Variants in TIMM44 observed in about 807,000 individuals in gnomAD.
TIMM44 encodes mitochondrial import inner membrane translocase subunit TIM44.
In TIMM44, 37 loss-of-function variants were observed where a neutral mutation model predicts 63.8. The ratio of observed to expected loss-of-function variants is 0.58; its 90% CI spans 0.45 to 0.76. TIMM44 has a LOEUF of 0.76. Ranked by LOEUF, TIMM44 falls within the 30% of genes least tolerant of loss-of-function variation. TIMM44 has a pLI of 0.00. For synonymous variants in TIMM44, 239 were observed against 245.1 expected, an observed-to-expected ratio of 0.98 and a Z score of 0.23; for missense variants, 573 against 603.8, an observed-to-expected ratio of 0.95 and a Z score of 0.54.
At chr19:7,932,039 GA>G (rs1415182317) in intron 9 of TIMM44, among the ~76,000 whole-genome samples, 1 of 152,238 alleles carries the variant, frequency 6.6e-6, no homozygotes, top group Non-Finnish European at 1.5e-5. Flanking sequence ...CGACTGGGCC[GA>G]AGGTGTCCAG....
chr19:7,931,190 T>TA lies in TIMM44; in HGVS notation c.988-3dup, dbSNP rs756857350. The TA allele has an allele frequency of 1.1e-5, 18 of 1,613,280 alleles. No homozygotes were observed. On this transcript the variant is annotated splice_polypyrimidine_tract_variant and splice_region_variant and intron_variant, in intron 9 of 12. Coordinates refer to ENST00000270538, the MANE Select transcript of TIMM44 (RefSeq NM_006351.4). ...GTCAAGCTCTCCAGAAATCATGGCC[T>TA]AAAAAGGAAGGGAAAATAAGCACCA...
intron 3 of TIMM44, among the ~76,000 whole-genome samples, chr19:7,935,918 C>T (rs1984141499): frequency 6.6e-6 from 1 of 152,206 alleles, no homozygotes; most frequent in South Asian, 2.1e-4. Context: ...CTTTGGGAAG[C>T]TGAGATGGGA....
At chr19:7,937,759 T>G in intron 3 of TIMM44, 1 of 428,792 alleles carries the variant, frequency 2.3e-6, no homozygotes, top group East Asian at 5.2e-5. Flanking sequence ...GGCTCACGCC[T>G]GTAATCCCAG....
In TIMM44 at chr19:7,934,410, GCACCCCCAGAGCCACGAGCACACCGC is replaced by G. The variant is rs1437287509; in HGVS notation, c.394-198_394-173del. Among the ~76,000 whole-genome samples, 64 of 150,586 alleles carry G rather than the reference GCACCCCCAGAGCCACGAGCACACCGC, an allele frequency of 4.3e-4. No homozygotes were observed. The highest frequency in any genetic ancestry group is 1.3e-3 in the African/African-American group (52 of 40,758). On this transcript the variant is annotated intron_variant, in intron 4 of 12. Transcript: ENST00000270538. The surrounding 1 kb of genome is among the most constrained non-coding windows in gnomAD (Gnocchi z 5.3). ...CACCCCCAGAGCCATGAGCACAACG[GCACCCCCAGAGCCACGAGCACACCGC>G]CACCCCCAGAGCCACGAGCACACCG...
intron 9 of TIMM44, chr19:7,931,579 C>T (rs1983983567): frequency 3.8e-6 from 1 of 263,304 alleles, no homozygotes; most frequent in African/African-American, 2.2e-5. Context: ...CTCTGTCCCC[C>T]CAGGGGACCA....
rs375080786 is a variant in TIMM44, at chr19:7,935,268, C to T, written c.313-123G>A. ...GCAACTTCCTCCTGCCAGATTCAAG[C>T]GATTTTCCTGCCCCAGCCTCCCGAG... On this transcript the variant is annotated intron_variant, in intron 3 of 12. Coordinates refer to ENST00000270538, the MANE Select transcript of TIMM44 (RefSeq NM_006351.4). 51 of 876,006 alleles carry T rather than the reference C, an allele frequency of 5.8e-5. No individual in the cohort carries two copies. In the East Asian group the frequency reaches 6.6e-4, roughly 11 times the overall value. 54.3% of individuals were successfully genotyped at this position (876,006 alleles called of 1,614,324 possible). A position where few individuals can be genotyped will look rare whatever the true frequency, so the allele number is the denominator to read the frequency against.
At position 7,927,296 on chromosome 19, in the gene TIMM44, A is replaced by C; in HGVS notation, c.1250T>G (p.Leu417Arg). The change falls in exon 13 of 13, where the codon CTG becomes CGG. Residue 417 changes from leucine to arginine, a missense_variant. By Grantham distance (102) the Leu-to-Arg change is moderately radical. Coordinates refer to ENST00000270538, the MANE Select transcript of TIMM44 (RefSeq NM_006351.4). ...GAGCGCCCACACGTACAGCATCCGC[A>C]GCACCTTGTCCTGCAGGGTGGGGTG... ...EVVEGDPDKVLRMLYVWALCR... is the reference protein window; with the variant it reads ...EVVEGDPDKVRRMLYVWALCR... 2 of 1,610,794 alleles carry C rather than the reference A, an allele frequency of 1.2e-6. No individual in the cohort carries two copies. Among genetic ancestry groups the C allele is most frequent in the Non-Finnish European group, 8.5e-7 (1 of 1,179,832 alleles).
chr19:7,934,269 G>A lies in TIMM44; in HGVS notation c.394-31C>T, dbSNP rs1984076689. On this transcript the variant is annotated intron_variant, in intron 4 of 12. Coordinates refer to ENST00000270538, the MANE Select transcript of TIMM44 (RefSeq NM_006351.4). The surrounding 1 kb of genome is among the most constrained non-coding windows in gnomAD (Gnocchi z 5.3). The stretch of plus-strand genomic sequence containing the variant: ...GAGACAGACACAGAGAGGGGGCGTT[G>A]GCACCGGCCCTGGCGGCCGGGGGGC... 6.2e-7 allele frequency: 1 copy of A among 1,608,328 alleles called. No individual in the cohort carries two copies. The highest frequency in any genetic ancestry group is 8.5e-7 in the Non-Finnish European group (1 of 1,179,888).
intron 10 of TIMM44, among the ~76,000 whole-genome samples, chr19:7,929,734 G>A (rs962364775): frequency 8.1e-6 from 1 of 124,168 alleles, no homozygotes; most frequent in African/African-American, 3.2e-5. Context: ...CCTGACCCCC[G>A]GCCCCAGCCT....
chr19:7,927,878 C>T, intron 11 of TIMM44, 111 bp from the exon 12 acceptor site: 2 of 1,224,122 alleles, frequency 1.6e-6, no homozygotes, highest in Non-Finnish European at 2.3e-6. Flanking sequence ...AGCACCAGGC[C>T]CAGCACCGGT....
intron 1 of TIMM44, among the ~76,000 whole-genome samples, chr19:7,942,223 T>C (rs932701135): frequency 6.6e-6 from 1 of 152,122 alleles, no homozygotes; most frequent in Non-Finnish European, 1.5e-5. Flanking sequence ...GGCACACACC[T>C]GTAGTCCCAC....
At chr19:7,931,478 A>C in intron 9 of TIMM44, 1 of 451,816 alleles carries the variant, frequency 2.2e-6, no homozygotes, top group Admixed American at 3.6e-5. Flanking sequence ...GAGGAAGAGA[A>C]AGGTGGCTGG....
chr19:7,935,677 G>C (rs1450549464), intron 3 of TIMM44, among the ~76,000 whole-genome samples: 1 of 152,166 alleles, frequency 6.6e-6, no homozygotes, highest in Non-Finnish European at 1.5e-5. Context: ...TCGGGTCCCC[G>C]CTTGGCAGCT....
At chr19:7,928,922 CCAAAAAAAAAAAAA>C in intron 10 of TIMM44, 1 of 76,770 alleles carries the variant, frequency 1.3e-5, no homozygotes, top group Admixed American at 1.3e-4. Context: ...AAACAAAAAA[CCAAAAAAAAAAAAA>C]AAAAAAAAAA....
chr19:7,941,602 T>C (rs1405438029), intron 1 of TIMM44, among the ~76,000 whole-genome samples: 1 of 151,772 alleles, frequency 6.6e-6, no homozygotes, highest in Admixed American at 6.6e-5. Flanking sequence ...ACTGGCCAAT[T>C]TGTATCTTAT....
rs759766479 is a variant in TIMM44, at chr19:7,928,089, A to T, written c.1116T>A (p.Ile372=). ...GLQFHSRILD[I]DNVDLAMGKM... is the part of the protein sequence containing the mutation. ...GCGAGGTGCTTACGTCGACGTTGTC[A>T]ATGTCTAGGATGCGAGAATGGAACT... The change falls in exon 11 of 13, where the codon ATT becomes ATA. Residue 372 remains isoleucine (I), a synonymous_variant. Coordinates refer to ENST00000270538, the MANE Select transcript of TIMM44 (RefSeq NM_006351.4). The T allele has an allele frequency of 1.9e-5, 31 of 1,613,926 alleles. No homozygotes were observed. In the East Asian group the frequency reaches 6.5e-4, roughly 34 times the overall value.
intron 12 of TIMM44, 61 bp downstream of exon 12, chr19:7,927,596 A>G (rs1283175530): frequency 1.3e-6 from 2 of 1,517,718 alleles, no homozygotes; most frequent in Non-Finnish European, 1.8e-6. Flanking sequence ...CCAGGTGGCC[A>G]CACACAGATC....
At position 7,934,528 on chromosome 19, in the gene TIMM44, A is replaced by C. The variant is rs990164622; in HGVS notation, c.394-290T>G. On this transcript the variant is annotated intron_variant, in intron 4 of 12. Transcript: ENST00000270538. The surrounding 1 kb of genome is among the most constrained non-coding windows in gnomAD (Gnocchi z 5.3). Reference sequence around the variant, plus strand: ...TGAGCACACCGCCACGGCTTCCGGGATGCTGGCCCTGGGCTCTGGGTGAGA... The same window carrying C: ...TGAGCACACCGCCACGGCTTCCGGGCTGCTGGCCCTGGGCTCTGGGTGAGA... Among the ~76,000 whole-genome samples the C allele has an allele frequency of 8.5e-5, 13 of 152,052 alleles. No homozygotes were observed. Among genetic ancestry groups the C allele is most frequent in the African/African-American group, 3.1e-4 (13 of 41,400 alleles).
chr19:7,936,651 C>T (rs752939973), intron 3 of TIMM44, among the ~76,000 whole-genome samples: 3 of 152,206 alleles, frequency 2.0e-5, no homozygotes, highest in Non-Finnish European at 2.9e-5. Context: ...GGCTTGGCAG[C>T]TGCTCAAGAA....
Sources: gnomAD v4.1 joint callset for allele counts (sites outside exome capture counted in the v4.1 genomes callset) on GRCh38, gnomAD v4.1.1 for gene constraint, Gnocchi (gnomAD v3.1) non-coding constraint, MANE v1.5 for transcripts, NCBI Gene and HGNC (gene_info 2026-07-23, HGNC 2026-07-21) for gene names.